The following MTSS1 variants were observed in gnomAD, a reference collection of about 807,000 sequenced individuals.
The protein encoded by MTSS1 is MTSS I-BAR domain containing 1.
Under a neutral mutation model 79.0 loss-of-function variants are expected in MTSS1, and 18 were observed. The observed-to-expected ratio is 0.23, with a 90% CI of 0.16 to 0.34. The LOEUF (loss-of-function observed/expected upper bound fraction) is 0.34, where lower values mean the gene tolerates loss of function less well. Among genes scored for constraint, MTSS1 ranks in the 10% least tolerant of loss-of-function variants. The pLI is 1.00. For missense variants in MTSS1, 815 were observed against 986.2 expected, an observed-to-expected ratio of 0.83 and a Z score of 2.33; for synonymous variants, 341 against 368.6, an observed-to-expected ratio of 0.93 and a Z score of 0.86.
intron 5 of MTSS1, among the ~76,000 whole-genome samples, chr8:124,586,603 G>A (rs2132564054): frequency 6.6e-6 from 1 of 152,304 alleles, no homozygotes; most frequent in South Asian, 2.1e-4. Flanking sequence ...AGCAGAGTGG[G>A]TTGCGTGTGG....
chr8:124,679,138 G>T (rs545411296), intron 3 of MTSS1, among the ~76,000 whole-genome samples: 2 of 152,374 alleles, frequency 1.3e-5, no homozygotes, highest in East Asian at 1.9e-4. Flanking sequence ...AGGTTGTTTT[G>T]TGAGGGCAAG....
chr8:124,596,516 G>A (rs1832788410), intron 3 of MTSS1, among the ~76,000 whole-genome samples: 1 of 152,232 alleles, frequency 6.6e-6, no homozygotes, highest in Non-Finnish European at 1.5e-5. Context: ...TCCAGGGGCT[G>A]GGCTGCCAAA....
At chr8:124,616,290 G>A (rs1324463801) in intron 3 of MTSS1, among the ~76,000 whole-genome samples, 1 of 149,594 alleles carries the variant, frequency 6.7e-6, no homozygotes, top group Non-Finnish European at 1.5e-5. Flanking sequence ...GCTGCTGGAA[G>A]TAAGACCCTT....
At chr8:124,600,040 C>CAA (rs1175089825) in intron 3 of MTSS1, among the ~76,000 whole-genome samples, 1,120 of 89,386 alleles carry the variant, frequency 0.013, 11 homozygotes, top group African/African-American at 0.042. Context: ...GGTTGTACTA[C>CAA]AAAAAAAAAA....
chr8:124,632,104 C>A (rs570644699), intron 3 of MTSS1, among the ~76,000 whole-genome samples: 1 of 151,764 alleles, frequency 6.6e-6, no homozygotes, highest in South Asian at 2.1e-4. Flanking sequence ...TAGCGAGACT[C>A]CATCCCTTCA....
At chr8:124,567,243 A>G (rs978251215) in intron 7 of MTSS1, 65 bp from the exon 8 acceptor site, 19 of 1,306,456 alleles carry the variant, frequency 1.5e-5, no homozygotes, top group South Asian at 6.1e-5. Flanking sequence ...CTCTAGTCCA[A>G]TTGTTTTCAT....
chr8:124,585,776 A>G (rs1048129063), intron 5 of MTSS1, among the ~76,000 whole-genome samples: 1 of 152,176 alleles, frequency 6.6e-6, no homozygotes, highest in Non-Finnish European at 1.5e-5. Flanking sequence ...AGATTTTTCA[A>G]TATTATCTAC....
chr8:124,657,320 G>A (rs11775349), intron 3 of MTSS1, among the ~76,000 whole-genome samples: 14,267 of 152,058 alleles, frequency 0.094, 783 homozygotes, highest in African/African-American at 0.15. Context: ...CTGAAGCTGC[G>A]TAATGGGGTA....
chr8:124,568,540 C>CA lies in MTSS1; in HGVS notation c.461-5dup. The CA allele has an allele frequency of 1.9e-6, 3 of 1,614,126 alleles. No individual in the cohort carries two copies. The highest frequency in any genetic ancestry group is 2.2e-5 in the East Asian group (1 of 44,880). On this transcript the variant is annotated splice_region_variant and splice_polypyrimidine_tract_variant and intron_variant, in intron 6 of 13. Transcript: ENST00000518547. ...TGAGGCTGGATATCACCTCTCCCTG[C>CA]AAAAAACAGAGACCCAAGCACGGCT...
At chr8:124,602,188 C>CATATATATATATATATACATATATAT (rs1554665851) in intron 3 of MTSS1, among the ~76,000 whole-genome samples, 1 of 116,784 alleles carries the variant, frequency 8.6e-6, no homozygotes, top group African/African-American at 4.3e-5. Flanking sequence ...CATATATATA[C>CATATATATATATATATACATATATAT]ATATATATAT....
At chr8:124,667,396 G>A (rs915591566) in intron 3 of MTSS1, among the ~76,000 whole-genome samples, 1 of 152,174 alleles carries the variant, frequency 6.6e-6, no homozygotes, top group African/African-American at 2.4e-5. Context: ...TGTAATCCCA[G>A]CACTTCGGGA....
In MTSS1 at chr8:124,555,808, A is replaced by G; in HGVS notation, c.1501T>C (p.Cys501Arg). ...TQRSSRDSLQ[C>R]SSGYSTQTTT... Reference sequence around the variant, plus strand: ...GTCTGGGTGCTGTAGCCGCTGGAGCACTGAAGCGAGTCCCGGCTGCTCCTC... The same window carrying G: ...GTCTGGGTGCTGTAGCCGCTGGAGCGCTGAAGCGAGTCCCGGCTGCTCCTC... Residue 501 changes from cysteine to arginine, a missense_variant, in exon 13 of 14, where the codon TGC (cysteine) becomes CGC (arginine). By Grantham distance (180) the Cys-to-Arg change is radical. Coordinates refer to ENST00000518547, the MANE Select transcript of MTSS1 (RefSeq NM_014751.6). The G allele has an allele frequency of 6.2e-7, 1 of 1,613,616 alleles. No individual in the cohort carries two copies. The highest frequency in any genetic ancestry group is 8.5e-7 in the Non-Finnish European group (1 of 1,179,876).
chr8:124,568,252 C>T (rs1826958231), intron 7 of MTSS1, 127 bp downstream of exon 7: 10 of 1,127,070 alleles, frequency 8.9e-6, no homozygotes, highest in South Asian at 1.6e-5. Context: ...CTGGTCTGTA[C>T]AGGAGATACC....
At chr8:124,715,818 C>T (rs59266113) in intron 1 of MTSS1, among the ~76,000 whole-genome samples, 1,577 of 152,228 alleles carry the variant, frequency 0.01, 33 homozygotes, top group African/African-American at 0.037. Flanking sequence ...CTAGAGTCAG[C>T]CTGCCAATTC....
chr8:124,657,101 A>G (rs1027521893), intron 3 of MTSS1, among the ~76,000 whole-genome samples: 3 of 152,240 alleles, frequency 2.0e-5, no homozygotes. Context: ...ATGATTGTTA[A>G]TTTTGTTAGA....
chr8:124,635,186 T>C (rs566968969), intron 3 of MTSS1, among the ~76,000 whole-genome samples: 1 of 152,214 alleles, frequency 6.6e-6, no homozygotes, highest in Non-Finnish European at 1.5e-5. Context: ...GTAAAGTTCT[T>C]TCTTGCTTTT....
At chr8:124,704,255 GA>G (rs1830097600) in intron 1 of MTSS1, 64 bp from the exon 2 acceptor site, 1 of 1,387,398 alleles carries the variant, frequency 7.2e-7, no homozygotes. Flanking sequence ...TACATTAACA[GA>G]GCACCCAATT....
Position 124,728,005 on chromosome 8 carries a change from CG to C in MTSS1, c.-51del, listed in dbSNP as rs1420740001. On this transcript the variant is annotated 5_prime_UTR_variant, in exon 1 of 14. Coordinates refer to ENST00000518547, the MANE Select transcript of MTSS1 (RefSeq NM_014751.6). The surrounding 1 kb of genome is among the most constrained non-coding windows in gnomAD (Gnocchi z 6.1). ...GCACACACGCGGGGCCGCTGGACTG[CG>C]CGCGGGGCCGGGGCTCGCTCACCCC... The C allele has an allele frequency of 1.9e-6, 3 of 1,542,306 alleles. No homozygotes were observed. The highest frequency in any genetic ancestry group is 1.4e-5 in the African/African-American group (1 of 71,872).
chr8:124,575,450 G>A (rs1406134702), intron 6 of MTSS1, among the ~76,000 whole-genome samples: 1 of 152,156 alleles, frequency 6.6e-6, no homozygotes, highest in African/African-American at 2.4e-5. Context: ...TCAGAACAAC[G>A]CCCGGCACGT....
Sources: gnomAD v4.1 joint callset for allele counts (sites outside exome capture counted in the v4.1 genomes callset) on GRCh38, gnomAD v4.1.1 for gene constraint, Gnocchi (gnomAD v3.1) non-coding constraint, MANE v1.5 for transcripts, NCBI Gene and HGNC (gene_info 2026-07-23, HGNC 2026-07-21) for gene names.